GMDS: variants seen among roughly 807,000 people sequenced by gnomAD.
GMDS encodes GDP-mannose 4,6 dehydratase.
GMDS carries 20 observed loss-of-function variants against 49.9 expected under a neutral mutation model. That is an observed-to-expected ratio of 0.40 (90% confidence interval 0.28 to 0.58). The LOEUF (loss-of-function observed/expected upper bound fraction) is 0.58, where lower values mean the gene tolerates loss of function less well. GMDS is among the 20% of genes least tolerant of loss of function. The probability of loss-of-function intolerance (pLI) is 0.42; values close to 1 mark genes in which losing one functional copy is unlikely to be tolerated. For missense variants in GMDS, 362 were observed against 481.4 expected (o/e 0.75, Z 2.32); for synonymous variants, 177 against 178.6 (o/e 0.99, Z 0.07).
chr6:1,666,946 CTG>C (rs1412782335), intron 9 of GMDS, among the ~76,000 whole-genome samples: 3 of 152,186 alleles, frequency 2.0e-5, no homozygotes, highest in African/African-American at 7.2e-5. Context: ...GGGAAGGGCA[CTG>C]TGTTTTCTGC....
intron 6 of GMDS, among the ~76,000 whole-genome samples, chr6:1,959,036 T>G (rs1049624150): frequency 3.3e-5 from 5 of 152,120 alleles, no homozygotes; most frequent in African/African-American, 1.2e-4. Flanking sequence ...TACAAACAAA[T>G]ACAGTTTTCC....
chr6:2,009,943 T>A (rs747358503), intron 4 of GMDS, among the ~76,000 whole-genome samples: 1 of 152,172 alleles, frequency 6.6e-6, no homozygotes, highest in Non-Finnish European at 1.5e-5. Context: ...GAAGATATAA[T>A]GGCTGAAAAC....
intron 9 of GMDS, among the ~76,000 whole-genome samples, chr6:1,631,590 A>G (rs1199754535): frequency 3.3e-5 from 5 of 152,084 alleles, no homozygotes; most frequent in Non-Finnish European, 7.4e-5. Context: ...CTCAATGTAT[A>G]CAGTATATTA....
chr6:1,808,902 C>G (rs1294089189), intron 7 of GMDS, among the ~76,000 whole-genome samples: 41 of 127,246 alleles, frequency 3.2e-4, no homozygotes, highest in African/African-American at 1.3e-3. Flanking sequence ...TGCATGCTCT[C>G]TCTGTGTGTG....
chr6:1,796,054 G>T (rs1769722261), intron 7 of GMDS, among the ~76,000 whole-genome samples: 1 of 152,148 alleles, frequency 6.6e-6, no homozygotes. Context: ...AGCGGAAAGA[G>T]TTCTTCTCCC....
intron 4 of GMDS, among the ~76,000 whole-genome samples, chr6:1,975,189 C>CA (rs1293772066): frequency 2.0e-5 from 3 of 152,136 alleles, no homozygotes; most frequent in African/African-American, 7.2e-5. Context: ...AATCCCATGG[C>CA]AGAAAGTAAA....
chr6:2,101,390 G>A (rs1773916547), intron 4 of GMDS, among the ~76,000 whole-genome samples: 1 of 151,458 alleles, frequency 6.6e-6, no homozygotes, highest in Non-Finnish European at 1.5e-5. Flanking sequence ...ACAAGAAAAA[G>A]GGACAAACTA....
At chr6:2,012,588 T>A (rs1211651479) in intron 4 of GMDS, among the ~76,000 whole-genome samples, 1 of 152,214 alleles carries the variant, frequency 6.6e-6, no homozygotes, top group Non-Finnish European at 1.5e-5. Context: ...CATGTGAGAA[T>A]TTAGGTCACA....
At chr6:1,869,451 G>A (rs1361751085) in intron 7 of GMDS, among the ~76,000 whole-genome samples, 1 of 152,084 alleles carries the variant, frequency 6.6e-6, no homozygotes, top group Admixed American at 6.6e-5. Flanking sequence ...GGTGGCATGG[G>A]GTCATTCTTT....
intron 2 of GMDS, among the ~76,000 whole-genome samples, chr6:2,123,184 A>T (rs916793726): frequency 5.3e-5 from 8 of 151,754 alleles, no homozygotes; most frequent in Admixed American, 6.6e-5. Flanking sequence ...ACACATCCAA[A>T]CTCGCCCTGT....
At chr6:2,154,675 TA>T (rs1777012577) in intron 1 of GMDS, among the ~76,000 whole-genome samples, 1 of 151,960 alleles carries the variant, frequency 6.6e-6, no homozygotes, top group Non-Finnish European at 1.5e-5. Flanking sequence ...TTCTAGGGTT[TA>T]TAGTATTAAT....
chr6:1,917,910 C>T (rs879584753), intron 7 of GMDS, among the ~76,000 whole-genome samples: 9 of 152,160 alleles, frequency 5.9e-5, no homozygotes, highest in East Asian at 3.8e-4. Context: ...GGGTGATGTG[C>T]GACCAGGGAG....
chr6:2,118,109 T>C (rs144409216), intron 2 of GMDS, among the ~76,000 whole-genome samples: 2 of 152,146 alleles, frequency 1.3e-5, no homozygotes, highest in Non-Finnish European at 2.9e-5. Context: ...ACAGCACTTA[T>C]GTACTACTCG....
At chr6:1,999,970 T>TTATATATATATAATATATATATATTA (rs368304514) in intron 4 of GMDS, among the ~76,000 whole-genome samples, 5 of 11,138 alleles carry the variant, frequency 4.5e-4, no homozygotes, top group African/African-American at 4.7e-4. Flanking sequence ...TATATATATA[T>TTATATATATATAATATATATATATTA]TATATATATA....
intron 7 of GMDS, among the ~76,000 whole-genome samples, chr6:1,762,525 A>C (rs1207996065): frequency 1.3e-5 from 2 of 152,246 alleles, no homozygotes; most frequent in Non-Finnish European, 2.9e-5. Context: ...GCTATGAAAT[A>C]ACCACCACAA....
intron 8 of GMDS, among the ~76,000 whole-genome samples, chr6:1,736,638 G>A (rs1358387244): frequency 1.3e-5 from 2 of 152,236 alleles, no homozygotes; most frequent in Non-Finnish European, 2.9e-5. Flanking sequence ...ATCAAAAGAA[G>A]CTTTGGCAAG....
intron 9 of GMDS, among the ~76,000 whole-genome samples, chr6:1,657,844 G>C (rs1304648345): frequency 3.0e-5 from 1 of 33,126 alleles, no homozygotes; most frequent in Non-Finnish European, 5.7e-5. Flanking sequence ...TTGTAACAAA[G>C]AACTCAAGCA....
intron 1 of GMDS, among the ~76,000 whole-genome samples, chr6:2,210,308 T>C (rs1431161045): frequency 2.0e-5 from 3 of 152,182 alleles, no homozygotes; most frequent in African/African-American, 7.2e-5. Context: ...AAGGATTAAA[T>C]GGCATAATGC....
At chr6:2,058,301 C>A (rs1770896196) in intron 4 of GMDS, among the ~76,000 whole-genome samples, 1 of 144,182 alleles carries the variant, frequency 6.9e-6, no homozygotes, top group African/African-American at 2.6e-5. Context: ...GCCAAGATGG[C>A]ACCACTGCAC....
Sources: gnomAD v4.1 joint callset for allele counts (sites outside exome capture counted in the v4.1 genomes callset) on GRCh38, gnomAD v4.1.1 for gene constraint, MANE v1.5 for transcripts, NCBI Gene and HGNC (gene_info 2026-07-23, HGNC 2026-07-21) for gene names.